The following CAMK1D variants were observed in gnomAD, a reference collection of about 807,000 sequenced individuals.
CAMK1D encodes calcium/calmodulin-dependent protein kinase type 1D.
CAMK1D carries 9 observed loss-of-function variants against 47.7 expected under a neutral mutation model. That is an observed-to-expected ratio of 0.19 (90% CI 0.11 to 0.33). The LOEUF (loss-of-function observed/expected upper bound fraction) is 0.33, where lower values mean the gene tolerates loss of function less well. Among genes scored for constraint, CAMK1D ranks in the 10% least tolerant of loss-of-function variants. The probability of loss-of-function intolerance (pLI) is 1.00; values close to 1 mark genes in which losing one functional copy is unlikely to be tolerated. For synonymous variants in CAMK1D, 184 were observed against 184.9 expected, an observed-to-expected ratio of 0.99 and a Z score of 0.04; for missense variants, 291 against 488.7, an observed-to-expected ratio of 0.60 and a Z score of 3.81.
In CAMK1D at chr10:12,418,126, G is replaced by A. The variant is rs370278265; in HGVS notation, c.92+68216G>A. Among the ~76,000 whole-genome samples, 18 of 152,240 alleles carry A rather than the reference G, an allele frequency of 1.2e-4. No individual in the cohort carries two copies. In the East Asian group the frequency reaches 1.7e-3, roughly 15 times the overall value. On this transcript the variant is annotated intron_variant, in intron 1 of 10. Transcript: ENST00000619168. ...TCGATGCTCTTTAAAAGAAGCCCTC[G>A]CCCTGCCAGATGATGCAGTAAGCAA...
intron 2 of CAMK1D, among the ~76,000 whole-genome samples, chr10:12,583,377 T>C (rs953117397): frequency 6.6e-6 from 1 of 152,206 alleles, no homozygotes; most frequent in African/African-American, 2.4e-5. Flanking sequence ...TAAAATAGCA[T>C]ATCCCATTTT....
At chr10:12,747,667 T>G (rs1835749247) in intron 3 of CAMK1D, among the ~76,000 whole-genome samples, 1 of 152,046 alleles carries the variant, frequency 6.6e-6, no homozygotes, top group Non-Finnish European at 1.5e-5. Flanking sequence ...ACTTACATGG[T>G]TAGAGGATGG....
intron 2 of CAMK1D, among the ~76,000 whole-genome samples, chr10:12,623,842 G>A (rs1012626996): frequency 1.3e-5 from 2 of 152,172 alleles, no homozygotes; most frequent in African/African-American, 4.8e-5. Flanking sequence ...ACCTTGGGAG[G>A]CAGAGGCAGG....
At chr10:12,689,183 A>T (rs1380766190) in intron 3 of CAMK1D, among the ~76,000 whole-genome samples, 1 of 152,214 alleles carries the variant, frequency 6.6e-6, no homozygotes, top group Non-Finnish European at 1.5e-5. Flanking sequence ...TTGTCTCAGG[A>T]GGTTTCCCTA....
intron 1 of CAMK1D, among the ~76,000 whole-genome samples, chr10:12,359,337 A>G (rs1247799624): frequency 6.6e-6 from 1 of 152,122 alleles, no homozygotes; most frequent in East Asian, 1.9e-4. Context: ...CTCAGAGGCC[A>G]TTTCCACAGA....
intron 2 of CAMK1D, among the ~76,000 whole-genome samples, chr10:12,644,690 C>A (rs1305669634): frequency 6.6e-6 from 1 of 152,184 alleles, no homozygotes; most frequent in Admixed American, 6.5e-5. Context: ...AAAGGGGCTT[C>A]TAGCCTTTTC....
intron 1 of CAMK1D, among the ~76,000 whole-genome samples, chr10:12,509,028 C>G (rs994167428): frequency 1.3e-5 from 2 of 152,164 alleles, no homozygotes; most frequent in African/African-American, 4.8e-5. Context: ...TATAAATCAC[C>G]TTGGAGAGGG....
At chr10:12,747,872 A>G (rs930191340) in intron 3 of CAMK1D, among the ~76,000 whole-genome samples, 2 of 152,062 alleles carry the variant, frequency 1.3e-5, no homozygotes, top group African/African-American at 4.8e-5. Flanking sequence ...GGGGTGGGGG[A>G]CACCCTTTTA....
intron 2 of CAMK1D, among the ~76,000 whole-genome samples, chr10:12,573,831 C>CTTTTTTTTT (rs34038018): frequency 0.01 from 658 of 64,102 alleles, 60 homozygotes; most frequent in East Asian, 0.024. Context: ...ATTAAAAAAA[C>CTTTTTTTTT]TTTTTTTTTT....
chr10:12,553,191 A>C, intron 1 of CAMK1D, 34 bp from the exon 2 acceptor site: 1 of 1,613,226 alleles, frequency 6.2e-7, no homozygotes, highest in South Asian at 1.1e-5. Context: ...GGACTTCTGC[A>C]TCTAAGTGTT....
chr10:12,561,572 G>A (rs202234712), intron 2 of CAMK1D, among the ~76,000 whole-genome samples: 14 of 152,114 alleles, frequency 9.2e-5, no homozygotes, highest in Non-Finnish European at 1.3e-4. Flanking sequence ...CCCTAAGTCC[G>A]GAGACTTCCC....
At chr10:12,570,976 A>C (rs1414697405) in intron 2 of CAMK1D, among the ~76,000 whole-genome samples, 1 of 152,040 alleles carries the variant, frequency 6.6e-6, no homozygotes, top group Non-Finnish European at 1.5e-5. Context: ...CCATGAGGAC[A>C]GGAGTGGTCA....
intron 2 of CAMK1D, among the ~76,000 whole-genome samples, chr10:12,656,718 C>T (rs1042955691): frequency 6.6e-6 from 1 of 152,164 alleles, no homozygotes; most frequent in African/African-American, 2.4e-5. Context: ...AGTATAGCTC[C>T]ATCTTCTGGC....
chr10:12,374,072 C>G (rs1264807225), intron 1 of CAMK1D, among the ~76,000 whole-genome samples: 1 of 150,642 alleles, frequency 6.6e-6, no homozygotes, highest in African/African-American at 2.4e-5. Flanking sequence ...CCAGCCTGAC[C>G]AACATGGTGA....
chr10:12,719,721 ACTC>A (rs1274523475), intron 3 of CAMK1D, among the ~76,000 whole-genome samples: 2 of 151,832 alleles, frequency 1.3e-5, no homozygotes, highest in African/African-American at 4.8e-5. Flanking sequence ...TGCCACTCTT[ACTC>A]CTCCTCCTTC....
At chr10:12,466,449 G>T (rs566532073) in intron 1 of CAMK1D, among the ~76,000 whole-genome samples, 1 of 151,986 alleles carries the variant, frequency 6.6e-6, no homozygotes, top group Non-Finnish European at 1.5e-5. Flanking sequence ...GCTGGGAGTG[G>T]TGGCACATAC....
chr10:12,354,635 C>G (rs1273815142), intron 1 of CAMK1D, among the ~76,000 whole-genome samples: 3 of 151,886 alleles, frequency 2.0e-5, no homozygotes, highest in African/African-American at 7.3e-5. Context: ...CGGTCTCGAT[C>G]TCCTGACCTC....
At chr10:12,497,475 C>CAAA (rs56786154) in intron 1 of CAMK1D, among the ~76,000 whole-genome samples, 6 of 88,842 alleles carry the variant, frequency 6.8e-5, no homozygotes, top group African/African-American at 8.5e-5. Context: ...GACTCCATCT[C>CAAA]AAAAAAAAAA....
rs1381211983 is a variant in CAMK1D at position 12,448,935 on chromosome 10, A to G, written c.92+99025A>G. On this transcript the variant is annotated intron_variant, in intron 1 of 10. Transcript: ENST00000619168. ...TCTCTGTGCCCTGGTTACTTCATCA[A>G]TGTGATGGAGATAATAATCTCATCG... is the stretch of plus-strand genomic sequence containing the variant. Among the ~76,000 whole-genome samples the G allele has an allele frequency of 2.0e-5, 3 of 152,216 alleles. No homozygotes were observed. In the East Asian group the frequency reaches 5.8e-4, roughly 29 times the overall value.
Sources: gnomAD v4.1 joint callset for allele counts (sites outside exome capture counted in the v4.1 genomes callset) on GRCh38, gnomAD v4.1.1 for gene constraint, MANE v1.5 for transcripts, NCBI Gene and HGNC (gene_info 2026-07-23, HGNC 2026-07-21) for gene names.